KIF5A: variants seen among roughly 807,000 people sequenced by gnomAD.
KIF5A encodes kinesin family member 5A.
Under a neutral mutation model 141.3 loss-of-function variants are expected in KIF5A, and 35 were observed. That is an observed-to-expected ratio of 0.25 (90% CI 0.19 to 0.33). The LOEUF is 0.33. Ranked by LOEUF, KIF5A falls within the 10% of genes least tolerant of loss-of-function variation. The pLI is 1.00. For synonymous variants in KIF5A, 448 were observed against 500.2 expected (o/e 0.90, Z 1.39); for missense variants, 861 against 1,314.3 (o/e 0.66, Z 5.33).
chr12:57,583,371 C>G (rs969008762), intron 28 of KIF5A, among the ~76,000 whole-genome samples, 156 bp downstream of exon 28: 2 of 152,096 alleles, frequency 1.3e-5, no homozygotes, highest in African/African-American at 4.8e-5. Context: ...CTGTTGGGGG[C>G]TACACCTGTG....
intron 8 of KIF5A, among the ~76,000 whole-genome samples, chr12:57,568,254 G>A (rs1259957531): frequency 6.6e-6 from 1 of 152,136 alleles, no homozygotes; most frequent in East Asian, 1.9e-4. Context: ...ATTTTAAAGT[G>A]CAATTCAGTT....
Position 57,575,740 on chromosome 12 carries a change from C to A in KIF5A, c.2006C>A (p.Ala669Asp), listed in dbSNP as rs753975521. 77 of 1,613,346 alleles carry A rather than the reference C, an allele frequency of 4.8e-5. No homozygotes were observed. The highest frequency in any genetic ancestry group is 6.3e-5 in the Non-Finnish European group (74 of 1,179,344). The change falls in exon 17 of 29, where the codon GCC becomes GAC. Residue 669 changes from alanine to aspartate, a missense_variant. By Grantham distance (126) the Ala-to-Asp change is moderately radical. Coordinates refer to ENST00000455537, the MANE Select transcript of KIF5A (RefSeq NM_004984.4). ...ESYDSLSDEL[A>D]KLQAQETVHE... The stretch of plus-strand genomic sequence containing the variant: ...TATGACTCCTTGAGCGATGAGCTGG[C>A]CAAGCTCCAGGCCCAGGGTGAGGCC...
intron 3 of KIF5A, 99 bp downstream of exon 3, chr12:57,563,792 C>T (rs970313555): frequency 4.5e-6 from 5 of 1,115,002 alleles, no homozygotes; most frequent in Non-Finnish European, 5.5e-6. Context: ...ATTGCCTGGT[C>T]CAGAGGCAGA....
intron 12 of KIF5A, 38 bp from the exon 13 acceptor site, chr12:57,571,283 G>T (rs756486565): frequency 8.0e-7 from 1 of 1,255,640 alleles, no homozygotes; most frequent in Admixed American, 1.7e-5. Flanking sequence ...GGAAGGAGTA[G>T]CTTCCCTTCA....
chr12:57,567,241 G>A lies in KIF5A; in HGVS notation c.589+28G>A, dbSNP rs542373083. The A allele has an allele frequency of 1.2e-5, 18 of 1,548,230 alleles. No homozygotes were observed. The East Asian group carries it at 4.1e-4, about 35-fold the overall frequency. ...GAGTGAGGATACAAGGGGATCTCTCGAGTCTGAGGATCCACTTGTGTTCTG... is the reference window on the plus strand; with the variant it reads ...GAGTGAGGATACAAGGGGATCTCTCAAGTCTGAGGATCCACTTGTGTTCTG... On this transcript the variant is annotated intron_variant, in intron 7 of 28. Transcript: ENST00000455537.
At chr12:57,564,383 C>A in intron 4 of KIF5A, 77 bp from the exon 5 acceptor site, 1 of 1,174,896 alleles carries the variant, frequency 8.5e-7, no homozygotes, top group South Asian at 1.2e-5. Context: ...TTGAGCAGGT[C>A]ACATTAGTAT....
At chr12:57,582,456 A>G (rs1012151941) in intron 26 of KIF5A, 146 bp from the exon 27 acceptor site, 1 of 746,386 alleles carries the variant, frequency 1.3e-6, no homozygotes. Context: ...ATAATGATGT[A>G]GCTTGGGATA....
chr12:57,565,947 A>C (rs545144132), intron 6 of KIF5A, among the ~76,000 whole-genome samples: 1 of 147,558 alleles, frequency 6.8e-6, no homozygotes, highest in Admixed American at 6.7e-5. Flanking sequence ...AAAAAAAAAA[A>C]TTTTTGTCAG....
chr12:57,580,980 C>T lies in KIF5A; in HGVS notation c.2563C>T (p.Arg855Cys), dbSNP rs2140171424. The T allele has an allele frequency of 1.2e-6, 2 of 1,613,992 alleles. No individual in the cohort carries two copies. The highest frequency in any genetic ancestry group is 1.3e-5 in the African/African-American group (1 of 74,996). ...KQLVRDNADL[R>C]CELPKLEKRL... ...GCTGGTACGTGACAATGCAGATCTGCGTTGTGAGCTTCCTAAATTGGAAAA... is the reference window on the plus strand; with the variant it reads ...GCTGGTACGTGACAATGCAGATCTGTGTTGTGAGCTTCCTAAATTGGAAAA... The change falls in exon 24 of 29, where the codon CGT becomes TGT. Residue 855 changes from arginine (R) to cysteine (C), a missense_variant. Arg to Cys is a radical substitution (Grantham distance 180). Transcript: ENST00000455537.
intron 3 of KIF5A, 59 bp from the exon 4 acceptor site, chr12:57,564,049 C>A: frequency 8.2e-7 from 1 of 1,214,538 alleles, no homozygotes; most frequent in Non-Finnish European, 1.2e-6. Flanking sequence ...CTGCATACAT[C>A]TGAGTTGTCT....
At position 57,575,163 on chromosome 12, in the gene KIF5A, A is replaced by G. The variant is rs1471037370; in HGVS notation, c.1796A>G (p.Lys599Arg). The G allele has an allele frequency of 2.5e-6, 4 of 1,613,922 alleles. No homozygotes were observed. The Admixed American group carries it at 6.7e-5, about 27-fold the overall frequency. Reference sequence around the variant, plus strand: ...ATCAGCAAAATCAAATCAGAAGTCAAGTCTGTGGTCAAGCGGTGCCGGCAG... The same window carrying G: ...ATCAGCAAAATCAAATCAGAAGTCAGGTCTGTGGTCAAGCGGTGCCGGCAG... ...LYISKIKSEV[K>R]SVVKRCRQLE... is the part of the protein sequence containing the mutation. The change falls in exon 16 of 29, where the codon AAG becomes AGG. Residue 599 changes from lysine (K) to arginine (R), a missense_variant. Around this residue, in one of 5 missense-constraint regions of KIF5A, gnomAD observed 482 missense variants for 661.3 expected, o/e 0.73. Transcript: ENST00000455537.
At chr12:57,553,913 G>A (rs992541394) in intron 1 of KIF5A, among the ~76,000 whole-genome samples, 2 of 152,120 alleles carry the variant, frequency 1.3e-5, no homozygotes, top group Admixed American at 6.5e-5. Context: ...TCTAAGAGGA[G>A]GAGGGACTCT....
rs1224313401 is a variant in KIF5A at position 57,564,899 on chromosome 12, C to T, written c.446-19C>T. ...GGTGGAAGTACTAGTCTTGCTTACC[C>T]TGCATTCTTTTGATTCAGTGACCAA... On this transcript the variant is annotated intron_variant, in intron 5 of 28. Transcript: ENST00000455537. The T allele has an allele frequency of 5.6e-6, 9 of 1,613,594 alleles. No homozygotes were observed. The highest frequency in any genetic ancestry group is 5.1e-6 in the Non-Finnish European group (6 of 1,179,640).
Position 57,576,104 on chromosome 12 carries a change from G to T in KIF5A, c.2041G>T (p.Ala681Ser). 1 of 1,614,156 alleles carries T rather than the reference G, an allele frequency of 6.2e-7. No individual in the cohort carries two copies. Among genetic ancestry groups the T allele is most frequent in the Admixed American group, 1.7e-5 (1 of 60,022 alleles). The change falls in exon 18 of 29, where the codon GCC becomes TCC. Residue 681 changes from alanine (A) to serine (S), a missense_variant. Transcript: ENST00000455537. ...TCCCTTAGAAACTGTGCATGAAGTG[G>T]CCCTGAAGGACAAGGAGCCTGACAC... ...LQAQETVHEVALKDKEPDTQD... is the reference protein window; with the variant it reads ...LQAQETVHEVSLKDKEPDTQD...
rs1259619958 is a variant in KIF5A at position 57,581,932 on chromosome 12, A to C, written c.2972A>C (p.Gln991Pro). 1 of 1,614,136 alleles carries C rather than the reference A, an allele frequency of 6.2e-7. No individual in the cohort carries two copies. The highest frequency in any genetic ancestry group is 8.5e-7 in the Non-Finnish European group (1 of 1,179,976). Reference protein sequence around the residue: ...TSSGGPLASYQKANMDNGNAT... With the variant: ...TSSGGPLASYPKANMDNGNAT... ...TCTGGCGGCCCCTTGGCTTCCTACC[A>C]GAAGGCCAACATGGACAATGGTGAG... The change falls in exon 26 of 29, where the codon CAG (glutamine) becomes CCG (proline). Residue 991 changes from glutamine (Q) to proline (P), a missense_variant. Gln to Pro is a moderately conservative substitution (Grantham distance 76). Around this residue, in one of 5 missense-constraint regions of KIF5A, gnomAD observed 482 missense variants for 661.3 expected, o/e 0.73. Transcript: ENST00000455537.
At chr12:57,556,390 G>C (rs1374880371) in intron 1 of KIF5A, among the ~76,000 whole-genome samples, 2 of 151,824 alleles carry the variant, frequency 1.3e-5, no homozygotes, top group African/African-American at 4.8e-5. Flanking sequence ...CACCCGCCTC[G>C]GCCTCCCAAA....
chr12:57,576,912 C>T (rs1216162044), intron 20 of KIF5A, 50 bp downstream of exon 20: 2 of 1,380,210 alleles, frequency 1.4e-6, no homozygotes, highest in African/African-American at 1.4e-5. Flanking sequence ...AGGCTCAGAA[C>T]TGTGAACTCA....
chr12:57,554,004 T>C (rs1281832926), intron 1 of KIF5A, among the ~76,000 whole-genome samples: 1 of 152,102 alleles, frequency 6.6e-6, no homozygotes, highest in Non-Finnish European at 1.5e-5. Context: ...TACATACTTC[T>C]GAAAATGGGA....
At chr12:57,559,529 A>G (rs1175328187) in intron 1 of KIF5A, among the ~76,000 whole-genome samples, 8 of 152,216 alleles carry the variant, frequency 5.3e-5, no homozygotes, top group Admixed American at 5.2e-4. Context: ...TTATGATGTT[A>G]TAATTTATGA....
Sources: allele counts gnomAD v4.1 joint callset (sites outside exome capture counted in the v4.1 genomes callset), GRCh38; gene constraint gnomAD v4.1.1; regional missense constraint gnomAD v4.1.1; transcripts MANE v1.5; gene names NCBI Gene and HGNC (gene_info 2026-07-23, HGNC 2026-07-21).